The following RALGDS variants were observed in gnomAD, a reference collection of about 807,000 sequenced individuals.
RALGDS encodes ral guanine nucleotide dissociation stimulator.
Under a neutral mutation model 99.8 loss-of-function variants are expected in RALGDS, and 44 were observed. That is an observed-to-expected ratio of 0.44 (90% CI 0.35 to 0.57). The LOEUF (loss-of-function observed/expected upper bound fraction) is 0.57, where lower values mean the gene tolerates loss of function less well. Among genes scored for constraint, RALGDS ranks in the 20% least tolerant of loss-of-function variants. The pLI is 0.01. For synonymous variants in RALGDS, 529 were observed against 505.0 expected (o/e 1.05, Z -0.64); for missense variants, 1,022 against 1,203.1 (o/e 0.85, Z 2.23).
In RALGDS at chr9:133,102,466, A is replaced by G; in HGVS notation, c.2009+10T>C. On this transcript the variant is annotated intron_variant, in intron 14 of 17. Transcript: ENST00000372050. ...GCAGCTGCCCCTACCACCCTTGGCC[A>G]GGCCCTTACTCGCTCCAGCGCTTGA... The G allele has an allele frequency of 6.2e-7, 1 of 1,613,266 alleles. No homozygotes were observed.
intron 1 of RALGDS, among the ~76,000 whole-genome samples, chr9:133,120,393 C>T (rs1831857721): frequency 6.6e-6 from 1 of 151,456 alleles, no homozygotes; most frequent in South Asian, 2.1e-4. Flanking sequence ...TCTGGTCCCA[C>T]GTGTTGGAGG....
At position 133,106,720 on chromosome 9, in the gene RALGDS, G is replaced by A; in HGVS notation, c.1442C>T (p.Ser481Leu). The A allele has an allele frequency of 6.2e-7, 1 of 1,612,612 alleles. No individual in the cohort carries two copies. Among genetic ancestry groups the A allele is most frequent in the South Asian group, 1.1e-5 (1 of 90,892 alleles). ...CAGGGCAGAGAGGATGGCATACAGT[G>A]ACGAGAAGTTCTTGAGGATCCGGCA... The part of the protein sequence containing the change: ...RECRILKNFS[S>L]LYAILSALQS... The change falls in exon 8 of 18, where the codon TCA becomes TTA. Residue 481 changes from serine (S) to leucine (L), a missense_variant. Coordinates refer to ENST00000372050, the MANE Select transcript of RALGDS (RefSeq NM_006266.4).
intron 10 of RALGDS, 113 bp from the exon 11 acceptor site, chr9:133,103,946 G>A (rs1830888410): frequency 2.9e-6 from 3 of 1,029,744 alleles, no homozygotes; most frequent in Non-Finnish European, 4.5e-6. Flanking sequence ...GGGCCTCCTG[G>A]GGCCCACTGT....
At chr9:133,129,369 A>C (rs1473527322) in intron 1 of RALGDS, 3 of 1,504,760 alleles carry the variant, frequency 2.0e-6, no homozygotes, top group Non-Finnish European at 2.7e-6. Context: ...GCCCTCTGCC[A>C]GTGTGCTCGT....
intron 1 of RALGDS, among the ~76,000 whole-genome samples, chr9:133,143,590 C>A (rs970818664): frequency 4.0e-5 from 6 of 151,238 alleles, no homozygotes; most frequent in African/African-American, 1.5e-4. Flanking sequence ...ACTGTTTCTA[C>A]AAAAAAAATC....
In RALGDS at chr9:133,116,305, T is replaced by C. The variant is rs371008515; in HGVS notation, c.184-4153A>G. Among the ~76,000 whole-genome samples, 131 of 152,342 alleles carry C rather than the reference T, an allele frequency of 8.6e-4. 3 individuals carry two copies. In the East Asian group the frequency reaches 0.015, roughly 17 times the overall value. ...GGCATGGCAGCCCACAGAGGCGGCC[T>C]CAGACCGGGACGACACGCGGTGCCT... On this transcript the variant is annotated intron_variant, in intron 1 of 17. Transcript: ENST00000372050.
chr9:133,120,650 T>C (rs1175005897), intron 1 of RALGDS, among the ~76,000 whole-genome samples: 2 of 152,146 alleles, frequency 1.3e-5, no homozygotes, highest in Non-Finnish European at 2.9e-5. Flanking sequence ...AGGCCACCGA[T>C]GTAAACAGGG....
At chr9:133,105,848 A>AGCCCCCGCCCCAGCCCCC (rs1831008196) in intron 9 of RALGDS, 84 bp downstream of exon 9, 1 of 181,742 alleles carries the variant, frequency 5.5e-6, no homozygotes, top group African/African-American at 9.5e-5. Context: ...CCCCCGCCCC[A>AGCCCCCGCCCCAGCCCCC]GCCCCCGCCC....
intron 8 of RALGDS, 107 bp from the exon 9 acceptor site, chr9:133,106,123 C>T (rs977204575): frequency 2.3e-6 from 2 of 854,024 alleles, no homozygotes; most frequent in Non-Finnish European, 3.8e-6. Context: ...TGCCTGAACG[C>T]AGCACACAGG....
At chr9:133,114,841 G>A (rs545050029) in intron 1 of RALGDS, among the ~76,000 whole-genome samples, 2 of 152,354 alleles carry the variant, frequency 1.3e-5, no homozygotes, top group African/African-American at 4.8e-5. Flanking sequence ...AGCTGTGCCT[G>A]TAAACACACT....
At chr9:133,105,878 AGCCCCC>A (rs1251009753) in intron 9 of RALGDS, 48 bp downstream of exon 9, 23 of 14,672 alleles carry the variant, frequency 1.6e-3, no homozygotes, top group African/African-American at 5.8e-3. Context: ...CCCCCGCCCC[AGCCCCC>A]GCCCCAGCCC....
Position 133,102,047 on chromosome 9 carries a change from C to A in RALGDS, c.2102G>T (p.Gly701Val). The A allele has an allele frequency of 6.4e-7, 1 of 1,560,518 alleles. No individual in the cohort carries two copies. The highest frequency in any genetic ancestry group is 2.4e-5 in the East Asian group (1 of 41,880). The change falls in exon 15 of 18, where the codon GGG (glycine) becomes GTG (valine). Residue 701 changes from glycine (G) to valine (V), a missense_variant. Physicochemically the swap from Gly to Val is moderately radical, Grantham distance 109. Coordinates refer to ENST00000372050, the MANE Select transcript of RALGDS (RefSeq NM_006266.4). ...QLRCGPYLSS[G>V]DIADALSVHS... Reference sequence around the variant, plus strand: ...CACGCTGAGCGCGTCAGCGATGTCCCCGCTGCTGAGGTAGGGGCCACACCT... The same window carrying A: ...CACGCTGAGCGCGTCAGCGATGTCCACGCTGCTGAGGTAGGGGCCACACCT...
intron 1 of RALGDS, among the ~76,000 whole-genome samples, chr9:133,146,669 T>C (rs1212846954): frequency 6.6e-6 from 1 of 152,254 alleles, no homozygotes; most frequent in African/African-American, 2.4e-5. Flanking sequence ...GCACAGGTGA[T>C]GTGAGGTCAC....
chr9:133,117,846 AC>A (rs1831688830), intron 1 of RALGDS, among the ~76,000 whole-genome samples: 1 of 152,218 alleles, frequency 6.6e-6, no homozygotes, highest in Admixed American at 6.5e-5. Flanking sequence ...AAACCGCTCC[AC>A]TGGCTCGTTC....
intron 1 of RALGDS, among the ~76,000 whole-genome samples, chr9:133,112,990 C>G (rs1159875084): frequency 6.6e-6 from 1 of 152,178 alleles, no homozygotes; most frequent in Non-Finnish European, 1.5e-5. Flanking sequence ...TGGCCCCAGG[C>G]AGTAAGGAAA....
chr9:133,106,636 C>CAT lies in RALGDS; in HGVS notation c.1517+7_1517+8dup. On this transcript the variant is annotated intron_variant, in intron 8 of 17. Transcript: ENST00000372050. The stretch of plus-strand genomic sequence containing the variant: ...GGTGCACCAGGAGCTCCTACAGAGG[C>CAT]ATGCCCACCTGGAAACGTCTTCCCA... The CAT allele has an allele frequency of 1.3e-6, 2 of 1,593,828 alleles. No homozygotes were observed. The highest frequency in any genetic ancestry group is 1.7e-6 in the Non-Finnish European group (2 of 1,166,352).
chr9:133,109,913 G>T lies in RALGDS; in HGVS notation c.489-192C>A, dbSNP rs148444350. The stretch of plus-strand genomic sequence containing the variant: ...AACCAGCTCCTTCCCAGCTATCTGA[G>T]CGCCCCTTGGGTCCCTCCAACAGCC... On this transcript the variant is annotated intron_variant, in intron 3 of 17. Coordinates refer to ENST00000372050, the MANE Select transcript of RALGDS (RefSeq NM_006266.4). Among the ~76,000 whole-genome samples the T allele has an allele frequency of 8.5e-5, 13 of 152,214 alleles. No individual in the cohort carries two copies. The East Asian group carries it at 2.5e-3, about 29-fold the overall frequency.
At position 133,108,661 on chromosome 9, in the gene RALGDS, A is replaced by C; in HGVS notation, c.778+12T>G. The C allele has an allele frequency of 1.2e-6, 2 of 1,612,814 alleles. No individual in the cohort carries two copies. Among genetic ancestry groups the C allele is most frequent in the Non-Finnish European group, 8.5e-7 (1 of 1,179,818 alleles). ...TCATTCACCCTCTGGCACCCACCCC[A>C]GTCCTCCTCACCCTCAGGCTCTGCC... On this transcript the variant is annotated intron_variant, in intron 5 of 17. Transcript: ENST00000372050.
chr9:133,121,359 C>T, upstream of RALGDS: 1 of 397,662 alleles, frequency 2.5e-6, no homozygotes, highest in Non-Finnish European at 3.4e-6. Context: ...TGCGCGCGCC[C>T]GCGGCCCCGC....
Sources: gnomAD v4.1 joint callset for allele counts (sites outside exome capture counted in the v4.1 genomes callset) on GRCh38, gnomAD v4.1.1 for gene constraint, MANE v1.5 for transcripts, NCBI Gene and HGNC (gene_info 2026-07-23, HGNC 2026-07-21) for gene names.